SLC14A1: variants seen among roughly 807,000 people sequenced by gnomAD.
SLC14A1 encodes the protein solute carrier family 14 member 1 (Kidd blood group).
A neutral mutation model predicts 39.6 loss-of-function variants in SLC14A1; 36 were observed. The ratio of observed to expected loss-of-function variants is 0.91; its 90% CI spans 0.70 to 1.20. The LOEUF is 1.20. Ranked by LOEUF, SLC14A1 falls within the 50% of genes most tolerant of loss-of-function variation. The pLI, the probability that SLC14A1 is intolerant of heterozygous loss-of-function variation, is 0.00. For missense variants in SLC14A1, 469 were observed against 478.7 expected (o/e 0.98, Z 0.19); for synonymous variants, 164 against 173.6 (o/e 0.94, Z 0.43).
At chr18:45,739,027 T>TA (rs1458680263) in intron 6 of SLC14A1, 136 bp from the exon 7 acceptor site, 3 of 939,802 alleles carry the variant, frequency 3.2e-6, no homozygotes, top group Non-Finnish European at 5.2e-6. Context: ...GAGAGAATTT[T>TA]AAATGGTATT....
At chr18:45,739,425 G>A in intron 7 of SLC14A1, 103 bp from the exon 8 acceptor site, 1 of 1,603,556 alleles carries the variant, frequency 6.2e-7, no homozygotes, top group Non-Finnish European at 8.5e-7. Context: ...GGGACCAATG[G>A]GAGTTCCCGG....
chr18:45,736,547 C>G lies in SLC14A1; in HGVS notation c.562C>G (p.Leu188Val), dbSNP rs200153291. ...TTTCAACATGGCGTTGTCAATGTAC[C>G]TTTCAGCCACAGGACATTACAATCC... ...LPFNMALSMY[L>V]SATGHYNPFF... Residue 188 changes from leucine (L) to valine (V), a missense_variant, in exon 6 of 10, where the codon CTT becomes GTT. By Grantham distance (32) the Leu-to-Val change is conservative. Coordinates refer to ENST00000321925, the MANE Select transcript of SLC14A1 (RefSeq NM_015865.7). 1 of 1,614,140 alleles carries G rather than the reference C, an allele frequency of 6.2e-7. No individual in the cohort carries two copies. The highest frequency in any genetic ancestry group is 2.2e-5 in the East Asian group (1 of 44,884).
At position 45,739,254 on chromosome 18, in the gene SLC14A1, C is replaced by T. The variant is rs138248117; in HGVS notation, c.755C>T (p.Ser252Phe). ...GGIFLGAILL[S>F]SPLMCLHAAI... is the part of the protein sequence containing the mutation. ...ATTTTCCTGGGAGCCATCCTACTCT[C>T]CTCCCCACTCATGTGCCTGCATGCT... Residue 252 changes from serine (S) to phenylalanine (F), a missense_variant, in exon 7 of 10, where the codon TCC (serine) becomes TTC (phenylalanine). By Grantham distance (155) the Ser-to-Phe change is radical. Transcript: ENST00000321925. The T allele has an allele frequency of 2.7e-5, 43 of 1,614,128 alleles. No individual in the cohort carries two copies. The highest frequency in any genetic ancestry group is 3.5e-5 in the Non-Finnish European group (41 of 1,180,004).
At chr18:45,726,062 C>A (rs77966745) in intron 2 of SLC14A1, among the ~76,000 whole-genome samples, 43 of 152,246 alleles carry the variant, frequency 2.8e-4, no homozygotes, top group African/African-American at 1.0e-3. Flanking sequence ...AACATGAGAG[C>A]CCTACCACTG....
At chr18:45,724,769 T>G (rs2046818262) in intron 1 of SLC14A1, 181 bp from the exon 2 acceptor site, 1 of 152,234 alleles carries the variant, frequency 6.6e-6, no homozygotes, top group Admixed American at 6.5e-5. Flanking sequence ...GGAATGTTCT[T>G]GTGCACCCAT....
chr18:45,746,897 T>G (rs1158338812), intron 8 of SLC14A1, among the ~76,000 whole-genome samples: 1 of 152,220 alleles, frequency 6.6e-6, no homozygotes, highest in Non-Finnish European at 1.5e-5. Context: ...ACAAATAAAA[T>G]GGCAGAGCTG....
At chr18:45,727,345 C>T (rs374946228) in intron 2 of SLC14A1, 1 of 1,551,518 alleles carries the variant, frequency 6.4e-7, no homozygotes, top group South Asian at 1.2e-5. Context: ...CCTTTTGGAA[C>T]TAAAGCTGGT....
In SLC14A1 at chr18:45,749,803, C is replaced by G; in HGVS notation, c.1022C>G (p.Pro341Arg). ...AEVGLPACTW[P>R]FCLATLLFLI... The stretch of plus-strand genomic sequence containing the variant: ...GTTGGATTGCCAGCTTGTACCTGGC[C>G]CTTCTGTTTGGCCACGCTATTGTTC... The change falls in exon 10 of 10, where the codon CCC becomes CGC. Residue 341 changes from proline to arginine, a missense_variant. Physicochemically the swap from Pro to Arg is moderately radical, Grantham distance 103. Coordinates refer to ENST00000321925, the MANE Select transcript of SLC14A1 (RefSeq NM_015865.7). 1 of 1,614,132 alleles carries G rather than the reference C, an allele frequency of 6.2e-7. No homozygotes were observed. Among genetic ancestry groups the G allele is most frequent in the Non-Finnish European group, 8.5e-7 (1 of 1,180,008 alleles).
At position 45,734,383 on chromosome 18, in the gene SLC14A1, T is replaced by G. The variant is rs1207021252; in HGVS notation, c.451T>G (p.Cys151Gly). Reference protein sequence around the residue: ...DYFWWLLLPVCAMSMTCPIFS... With the variant: ...DYFWWLLLPVGAMSMTCPIFS... ...TTTCTGGTGGCTGTTACTCCCTGTATGTGCTATGTCCATGACTTGGTAAGT... is the reference window on the plus strand; with the variant it reads ...TTTCTGGTGGCTGTTACTCCCTGTAGGTGCTATGTCCATGACTTGGTAAGT... Residue 151 changes from cysteine to glycine, a missense_variant, in exon 5 of 10, where the codon TGT (cysteine) becomes GGT (glycine). By Grantham distance (159) the Cys-to-Gly change is radical (BLOSUM62 -3). Transcript: ENST00000321925. The G allele has an allele frequency of 2.5e-6, 4 of 1,613,818 alleles. No individual in the cohort carries two copies.
intron 6 of SLC14A1, among the ~76,000 whole-genome samples, chr18:45,737,259 C>T (rs1250941005): frequency 6.6e-6 from 1 of 152,172 alleles, no homozygotes. Context: ...TGATGCGGGC[C>T]AGAGTTTGAG....
At position 45,734,300 on chromosome 18, in the gene SLC14A1, G is replaced by A; in HGVS notation, c.368G>A (p.Gly123Asp). 2.5e-6 allele frequency: 4 copies of A among 1,613,986 alleles called. No individual in the cohort carries two copies. The highest frequency in any genetic ancestry group is 3.4e-6 in the Non-Finnish European group (4 of 1,179,952). Residue 123 changes from glycine (G) to aspartate (D), a missense_variant, in exon 5 of 10, where the codon GGC (glycine) becomes GAC (aspartate). Physicochemically the swap from Gly to Asp is moderately conservative, Grantham distance 94. Transcript: ENST00000321925. Reference protein sequence around the residue: ...DRSLIASGLYGYNATLVGVLM... With the variant: ...DRSLIASGLYDYNATLVGVLM... ...TCATTAATAGCATCTGGGCTCTATG[G>A]CTACAATGCCACCCTGGTGGGAGTA...
Position 45,736,459 on chromosome 18 carries a change from A to G in SLC14A1, c.474A>G (p.Pro158=), listed in dbSNP as rs757072482. The change falls in exon 6 of 10, where the codon CCA becomes CCG. Residue 158 remains proline, a synonymous_variant. Transcript: ENST00000321925. ...LPVCAMSMTC[P]IFSSALNSML... is the part of the protein sequence containing the mutation. The stretch of plus-strand genomic sequence containing the variant: ...TTTTGCTCTGTTCTTTTTTTAGCCC[A>G]ATTTTCTCAAGTGCATTGAATTCCA... 6.2e-6 allele frequency: 10 copies of G among 1,614,030 alleles called. No homozygotes were observed. In the East Asian group the frequency reaches 8.9e-5, roughly 14 times the overall value.
intron 5 of SLC14A1, 114 bp downstream of exon 5, chr18:45,734,516 C>T (rs1405236563): frequency 9.2e-7 from 1 of 1,091,924 alleles, no homozygotes; most frequent in Non-Finnish European, 1.4e-6. Flanking sequence ...AATATGTTCT[C>T]TGAATGTATA....
intron 8 of SLC14A1, among the ~76,000 whole-genome samples, chr18:45,742,211 C>G (rs1416042915): frequency 6.6e-6 from 1 of 152,096 alleles, no homozygotes; most frequent in African/African-American, 2.4e-5. Flanking sequence ...AGGAGGAATT[C>G]TGTTTGGTGG....
intron 8 of SLC14A1, among the ~76,000 whole-genome samples, chr18:45,748,122 C>A (rs2047602213): frequency 6.6e-6 from 1 of 152,202 alleles, no homozygotes; most frequent in Non-Finnish European, 1.5e-5. Context: ...TTCCTTTCAT[C>A]CTCACACCAA....
At chr18:45,730,140 T>G in intron 2 of SLC14A1, 160 bp from the exon 3 acceptor site, 1 of 658,776 alleles carries the variant, frequency 1.5e-6, no homozygotes, top group Non-Finnish European at 2.5e-6. Context: ...GATTTGGGTT[T>G]GGCTAATAAG....
At chr18:45,749,018 C>T (rs1440596772) in intron 9 of SLC14A1, among the ~76,000 whole-genome samples, 2 of 152,166 alleles carry the variant, frequency 1.3e-5, no homozygotes, top group South Asian at 4.1e-4. Flanking sequence ...AGGCATCAGT[C>T]CCAGGACCCA....
intron 6 of SLC14A1, 74 bp downstream of exon 6, chr18:45,736,722 G>A (rs906431708): frequency 2.6e-5 from 33 of 1,288,646 alleles, no homozygotes; most frequent in East Asian, 1.4e-4. Flanking sequence ...AACTGTCCAC[G>A]GGTGTCAGAG....
intron 2 of SLC14A1, among the ~76,000 whole-genome samples, chr18:45,726,085 A>T (rs1025291297): frequency 1.3e-5 from 2 of 152,204 alleles, no homozygotes; most frequent in Non-Finnish European, 2.9e-5. Flanking sequence ...TTTCTTAACC[A>T]TTTGTTCTTT....
Sources: allele counts gnomAD v4.1 joint callset (sites outside exome capture counted in the v4.1 genomes callset), GRCh38; gene constraint gnomAD v4.1.1; transcripts MANE v1.5; gene names NCBI Gene and HGNC (gene_info 2026-07-23, HGNC 2026-07-21).